SLCO3A1: variants seen among roughly 807,000 people sequenced by gnomAD.
The protein encoded by SLCO3A1 is PGE1 transporter.
Under a neutral mutation model 63.1 loss-of-function variants are expected in SLCO3A1, and 27 were observed. The observed-to-expected ratio is 0.43, with a 90% CI of 0.32 to 0.59. SLCO3A1 has a LOEUF of 0.59. Ranked by LOEUF, SLCO3A1 falls within the 20% of genes least tolerant of loss-of-function variation. SLCO3A1 has a pLI of 0.09. For synonymous variants in SLCO3A1, 473 were observed against 409.9 expected (o/e 1.15, Z -1.86); for missense variants, 773 against 945.8 (o/e 0.82, Z 2.40).
At chr15:92,005,401 T>G (rs1597212303) in intron 2 of SLCO3A1, among the ~76,000 whole-genome samples, 1 of 152,214 alleles carries the variant, frequency 6.6e-6, no homozygotes, top group Non-Finnish European at 1.5e-5. Context: ...AAGTTGATGG[T>G]CTATCTGTCA....
intron 1 of SLCO3A1, among the ~76,000 whole-genome samples, chr15:91,877,869 G>A (rs1052619328): frequency 1.6e-4 from 25 of 152,174 alleles, no homozygotes; most frequent in African/African-American, 6.0e-4. Flanking sequence ...CAAAAGTTAG[G>A]GAGTCAGGTG....
rs150572447 is a variant in SLCO3A1, at chr15:92,091,702, C to T, written c.647-3179C>T. Among the ~76,000 whole-genome samples, 953 of 152,224 alleles carry T rather than the reference C, an allele frequency of 6.3e-3. 34 individuals are homozygous for T. The highest frequency in any genetic ancestry group is 0.057 in the Admixed American group (866 of 15,294). On this transcript the variant is annotated intron_variant, in intron 2 of 9. Transcript: ENST00000318445. ...GCAGGTGGTGGTTTACCTTGAGGTCCGTGTGACGAGGAGCGACATAGAAAA... is the reference window on the plus strand; with the variant it reads ...GCAGGTGGTGGTTTACCTTGAGGTCTGTGTGACGAGGAGCGACATAGAAAA...
chr15:92,118,541 T>G (rs1271355008), intron 4 of SLCO3A1, among the ~76,000 whole-genome samples: 1 of 152,232 alleles, frequency 6.6e-6, no homozygotes, highest in Admixed American at 6.5e-5. Flanking sequence ...TATTAAAAAC[T>G]TATGCATCCC....
intron 4 of SLCO3A1, 144 bp from the exon 5 acceptor site, chr15:92,120,321 G>A: frequency 1.3e-6 from 1 of 766,160 alleles, no homozygotes. Context: ...GTAGATTTTG[G>A]CCTTAGCAAC....
chr15:92,045,610 C>T (rs1337958061), intron 2 of SLCO3A1, among the ~76,000 whole-genome samples: 3 of 151,766 alleles, frequency 2.0e-5, no homozygotes, highest in Non-Finnish European at 4.4e-5. Context: ...TTTAGTCAGT[C>T]TTCTACTCTA....
intron 1 of SLCO3A1, among the ~76,000 whole-genome samples, chr15:91,905,214 A>C (rs1175491167): frequency 6.6e-6 from 1 of 152,238 alleles, no homozygotes; most frequent in Non-Finnish European, 1.5e-5. Flanking sequence ...ACTAGTTCCC[A>C]GGAGAAGCAG....
intron 1 of SLCO3A1, among the ~76,000 whole-genome samples, chr15:91,907,246 G>T (rs545490277): frequency 6.6e-6 from 1 of 151,660 alleles, no homozygotes; most frequent in South Asian, 2.1e-4. Flanking sequence ...TCACTCTGTT[G>T]CCCAGGCTGG....
chr15:92,103,487 G>A (rs1473302711), intron 3 of SLCO3A1, among the ~76,000 whole-genome samples: 2 of 151,700 alleles, frequency 1.3e-5, no homozygotes, highest in Admixed American at 6.6e-5. Flanking sequence ...GTATTAGAGA[G>A]CTGGTGCCAA....
intron 8 of SLCO3A1, chr15:92,149,862 C>G (rs1241769778): frequency 6.6e-6 from 1 of 152,160 alleles, no homozygotes; most frequent in East Asian, 1.9e-4. Context: ...GAGAATTTGT[C>G]TCTATTTATG....
At position 92,033,945 on chromosome 15, in the gene SLCO3A1, C is replaced by G. The variant is rs1262141987; in HGVS notation, c.647-60936C>G. On this transcript the variant is annotated intron_variant, in intron 2 of 9. Coordinates refer to ENST00000318445, the MANE Select transcript of SLCO3A1 (RefSeq NM_013272.4). The surrounding 1 kb of genome is among the most constrained non-coding windows in gnomAD (Gnocchi z 4.5). ...GCTGGGAGCAGGCGCATGGGTGGGACCCAGTGAGGGAGGGGGAGGAGCAGA... is the reference window on the plus strand; with the variant it reads ...GCTGGGAGCAGGCGCATGGGTGGGAGCCAGTGAGGGAGGGGGAGGAGCAGA... 1.3e-5 allele frequency among the ~76,000 whole-genome samples: 2 copies of G among 151,042 alleles called. No individual in the cohort carries two copies. Among genetic ancestry groups the G allele is most frequent in the African/African-American group, 4.9e-5 (2 of 41,056 alleles).
rs1167996410 is a variant in SLCO3A1 at position 92,061,447 on chromosome 15, A to T, written c.647-33434A>T. Among the ~76,000 whole-genome samples, 3 of 152,200 alleles carry T rather than the reference A, an allele frequency of 2.0e-5. No individual in the cohort carries two copies. The East Asian group carries it at 5.8e-4, about 29-fold the overall frequency. On this transcript the variant is annotated intron_variant, in intron 2 of 9. Transcript: ENST00000318445. ...CCACTCCCCACTGGCATTTGATTCA[A>T]ACTCCTAGTTCCTTAGTAGCTGCCC...
At position 92,023,767 on chromosome 15, in the gene SLCO3A1, C is replaced by T. The variant is rs2046538138; in HGVS notation, c.647-71114C>T. The stretch of plus-strand genomic sequence containing the variant: ...TATAGGCATGAGCCACTGTGCCCAG[C>T]CAAGACTGATTTTTCATAAACAAAC... On this transcript the variant is annotated intron_variant, in intron 2 of 9. Transcript: ENST00000318445. Among the ~76,000 whole-genome samples the T allele has an allele frequency of 5.3e-5, 8 of 152,188 alleles. No individual in the cohort carries two copies. The South Asian group carries it at 1.7e-3, about 32-fold the overall frequency.
chr15:91,951,302 C>A (rs1459792423), intron 2 of SLCO3A1, among the ~76,000 whole-genome samples: 3 of 152,172 alleles, frequency 2.0e-5, no homozygotes, highest in Non-Finnish European at 4.4e-5. Flanking sequence ...ATTTAATATA[C>A]ATGGAATCAG....
chr15:91,878,499 T>C (rs1897462667), intron 1 of SLCO3A1, among the ~76,000 whole-genome samples: 1 of 152,202 alleles, frequency 6.6e-6, no homozygotes, highest in Non-Finnish European at 1.5e-5. Flanking sequence ...TGTCATCTCA[T>C]GGTCTTCTAA....
In SLCO3A1 at chr15:91,984,216, T is replaced by C. The variant is rs528136499; in HGVS notation, c.646+67758T>C. ...GTTGGCCTTTTCCAGGAGGCGGTAG[T>C]GGGAACTCAGTGCGATGACATAAAT... On this transcript the variant is annotated intron_variant, in intron 2 of 9. Transcript: ENST00000318445. Among the ~76,000 whole-genome samples, 15 of 152,312 alleles carry C rather than the reference T, an allele frequency of 9.8e-5. 1 individual carries two copies. The South Asian group carries it at 3.1e-3, about 32-fold the overall frequency.
chr15:92,015,704 G>A (rs1310036589), intron 2 of SLCO3A1, among the ~76,000 whole-genome samples: 1 of 152,126 alleles, frequency 6.6e-6, no homozygotes, highest in Non-Finnish European at 1.5e-5. Flanking sequence ...GTGTGAACAG[G>A]CTGCTAAGGG....
Position 91,875,002 on chromosome 15 carries a change from G to T in SLCO3A1, c.180+20914G>T, listed in dbSNP as rs1897365481. On this transcript the variant is annotated intron_variant, in intron 1 of 9. Coordinates refer to ENST00000318445, the MANE Select transcript of SLCO3A1 (RefSeq NM_013272.4). This position sits in a 1 kb window ranked among gnomAD's most constrained non-coding sequence, Gnocchi z 4.5. The stretch of plus-strand genomic sequence containing the variant: ...CACCTGGTTGACCCCTGCTCATGGT[G>T]CTAAGGCTGACCATGAGGTTGAGAT... Among the ~76,000 whole-genome samples, 1 of 152,200 alleles carries T rather than the reference G, an allele frequency of 6.6e-6. No individual in the cohort carries two copies. Among genetic ancestry groups the T allele is most frequent in the African/African-American group, 2.4e-5 (1 of 41,452 alleles).
At position 92,165,360 on chromosome 15, in the gene SLCO3A1, A is replaced by G. The variant is rs2048485317; in HGVS notation, c.*2225A>G. The G allele has an allele frequency of 1.0e-6, 1 of 985,060 alleles. No individual in the cohort carries two copies. Among genetic ancestry groups the G allele is most frequent in the African/African-American group, 1.7e-5 (1 of 57,228 alleles). 61.0% of individuals were successfully genotyped at this position (985,060 alleles called of 1,614,324 possible). On this transcript the variant is annotated 3_prime_UTR_variant, in exon 10 of 10. Coordinates refer to ENST00000318445, the MANE Select transcript of SLCO3A1 (RefSeq NM_013272.4). The stretch of plus-strand genomic sequence containing the variant: ...GTTCTGTTGTTCCTAAGGCTTTGAT[A>G]ATATCCTGTACAGATTTTGGTTTAG...
rs759713280 is a variant in SLCO3A1 at position 91,875,072 on chromosome 15, G to A, written c.180+20984G>A. ...ACTCCACATGAAACAGACATTTGCCGCCTTGAAGTTGGCAGACAGTCTGTG... is the reference window on the plus strand; with the variant it reads ...ACTCCACATGAAACAGACATTTGCCACCTTGAAGTTGGCAGACAGTCTGTG... On this transcript the variant is annotated intron_variant, in intron 1 of 9. Coordinates refer to ENST00000318445, the MANE Select transcript of SLCO3A1 (RefSeq NM_013272.4). The surrounding 1 kb of genome is among the most constrained non-coding windows in gnomAD (Gnocchi z 4.5). Among the ~76,000 whole-genome samples, 2 of 152,196 alleles carry A rather than the reference G, an allele frequency of 1.3e-5. No homozygotes were observed. The highest frequency in any genetic ancestry group is 2.9e-5 in the Non-Finnish European group (2 of 68,040).
Sources: gnomAD v4.1 joint callset for allele counts (sites outside exome capture counted in the v4.1 genomes callset) on GRCh38, gnomAD v4.1.1 for gene constraint, Gnocchi (gnomAD v3.1) non-coding constraint, MANE v1.5 for transcripts, NCBI Gene and HGNC (gene_info 2026-07-23, HGNC 2026-07-21) for gene names.